Variants in DOCK1 observed in about 807,000 individuals in gnomAD.
DOCK1 encodes the protein dedicator of cytokinesis 1.
Under a neutral mutation model 262.7 loss-of-function variants are expected in DOCK1, and 138 were observed. That is an observed-to-expected ratio of 0.53 (90% CI 0.46 to 0.61). The LOEUF (loss-of-function observed/expected upper bound fraction) is 0.61. DOCK1 is among the 20% of genes least tolerant of loss of function. DOCK1 has a pLI of 0.00. For missense variants in DOCK1, 1,908 were observed against 2,370.7 expected (o/e 0.80, Z 4.05); for synonymous variants, 866 against 867.4 (o/e 1.00, Z 0.03).
chr10:127,381,680 A>G (rs2065832932), intron 37 of DOCK1, among the ~76,000 whole-genome samples: 1 of 152,224 alleles, frequency 6.6e-6, no homozygotes, highest in South Asian at 2.1e-4. Flanking sequence ...ACAGGACTCC[A>G]GGATGGTGGA....
chr10:126,966,153 G>A (rs2037660190), intron 1 of DOCK1, among the ~76,000 whole-genome samples: 1 of 152,014 alleles, frequency 6.6e-6, no homozygotes, highest in Non-Finnish European at 1.5e-5. Context: ...TTCACTTAAT[G>A]TCCTCCAATT....
chr10:127,445,467 G>T (rs1214486719), intron 50 of DOCK1, among the ~76,000 whole-genome samples: 2 of 152,180 alleles, frequency 1.3e-5, no homozygotes, highest in African/African-American at 4.8e-5. Flanking sequence ...TCTGGGCACT[G>T]GATATGTCTT....
chr10:127,333,733 C>G (rs185767547), intron 29 of DOCK1, among the ~76,000 whole-genome samples: 1 of 152,160 alleles, frequency 6.6e-6, no homozygotes, highest in Non-Finnish European at 1.5e-5. Flanking sequence ...AGAGCCTCGC[C>G]GGCCACACCA....
intron 16 of DOCK1, among the ~76,000 whole-genome samples, chr10:127,029,435 G>T (rs2043095602): frequency 6.6e-6 from 1 of 152,244 alleles, no homozygotes; most frequent in Non-Finnish European, 1.5e-5. Flanking sequence ...TGGTGTCGAT[G>T]GGTTAACATA....
intron 29 of DOCK1, among the ~76,000 whole-genome samples, chr10:127,306,312 G>T (rs901648504): frequency 3.3e-5 from 5 of 152,088 alleles, no homozygotes; most frequent in Non-Finnish European, 7.4e-5. Flanking sequence ...ACCGTGACCG[G>T]CCCATTTTAT....
At chr10:127,206,256 G>A (rs2057718162) in intron 27 of DOCK1, among the ~76,000 whole-genome samples, 1 of 144,880 alleles carries the variant, frequency 6.9e-6, no homozygotes, top group Admixed American at 7.3e-5. Context: ...CAATTCTGGT[G>A]CCTCAGCCTC....
chr10:127,036,003 A>AAAAT (rs3070212), intron 18 of DOCK1, among the ~76,000 whole-genome samples: 29,411 of 138,848 alleles, frequency 0.21, 3,396 homozygotes, highest in African/African-American at 0.27. Context: ...CCCTGTCTCA[A>AAAAT]AAATAAATAA....
At position 127,175,736 on chromosome 10, in the gene DOCK1, G is replaced by C. The variant is rs754152980; in HGVS notation, c.2847+47972G>C. The C allele has an allele frequency of 2.5e-6, 4 of 1,613,876 alleles. No homozygotes were observed. Among genetic ancestry groups the C allele is most frequent in the South Asian group, 1.1e-5 (1 of 91,076 alleles). On this transcript the variant is annotated intron_variant, in intron 27 of 51. Transcript: ENST00000623213. This position sits in a 1 kb window ranked among gnomAD's most constrained non-coding sequence, Gnocchi z 6.3. ...TGGCCCTCCCGAGCAGCTGGTAATC[G>C]GGCTCTTCGGATGGAGGCCGAGTGG...
chr10:127,282,400 G>A (rs890514906), intron 29 of DOCK1, among the ~76,000 whole-genome samples: 3 of 152,182 alleles, frequency 2.0e-5, no homozygotes, highest in African/African-American at 7.2e-5. Context: ...CATCTCCGAG[G>A]TCCTGTGATG....
intron 27 of DOCK1, among the ~76,000 whole-genome samples, chr10:127,132,263 C>T (rs569357363): frequency 4.6e-5 from 7 of 152,292 alleles, no homozygotes; most frequent in East Asian, 3.9e-4. Flanking sequence ...GATTGGAATG[C>T]GTCTCGTGCC....
intron 23 of DOCK1, among the ~76,000 whole-genome samples, chr10:127,083,490 G>A (rs1012778272): frequency 2.4e-4 from 37 of 152,308 alleles, no homozygotes; most frequent in African/African-American, 8.7e-4. Context: ...TAAAATATGA[G>A]TTAATCATCT....
chr10:126,994,341 T>C (rs371082843), intron 6 of DOCK1, among the ~76,000 whole-genome samples: 12 of 152,220 alleles, frequency 7.9e-5, no homozygotes, highest in African/African-American at 2.9e-4. Flanking sequence ...TTAGTATTTA[T>C]TGATCATTCT....
At chr10:127,031,909 G>T (rs1018126291) in intron 17 of DOCK1, among the ~76,000 whole-genome samples, 156 bp downstream of exon 17, 1 of 152,120 alleles carries the variant, frequency 6.6e-6, no homozygotes, top group Non-Finnish European at 1.5e-5. Flanking sequence ...CAGCCCTTTT[G>T]TTGTTCCTAA....
At chr10:127,250,934 A>G (rs933923456) in intron 28 of DOCK1, among the ~76,000 whole-genome samples, 2 of 151,986 alleles carry the variant, frequency 1.3e-5, no homozygotes, top group Non-Finnish European at 2.9e-5. Flanking sequence ...TGTTAACTAT[A>G]CCGAGTATAT....
chr10:127,338,852 G>A lies in DOCK1; in HGVS notation c.3045-154G>A, dbSNP rs41282890. 5.7e-3 allele frequency among the ~76,000 whole-genome samples: 870 copies of A among 152,088 alleles called. 14 individuals are homozygous for A. Among genetic ancestry groups the A allele is most frequent in the African/African-American group, 0.02 (829 of 41,460 alleles). On this transcript the variant is annotated intron_variant, in intron 29 of 51. Transcript: ENST00000623213. ...TTGGAGAACATCTGCATATAATTCCGTGATCTTTTCGTTGGCAAAACCTCA... is the reference window on the plus strand; with the variant it reads ...TTGGAGAACATCTGCATATAATTCCATGATCTTTTCGTTGGCAAAACCTCA...
intron 35 of DOCK1, among the ~76,000 whole-genome samples, chr10:127,375,823 C>G (rs1202919611): frequency 1.3e-5 from 2 of 152,206 alleles, no homozygotes; most frequent in Admixed American, 6.5e-5. Flanking sequence ...CAAATTGTCA[C>G]TCCTGTCCTC....
At chr10:127,104,851 A>T (rs772483479) in intron 23 of DOCK1, among the ~76,000 whole-genome samples, 18 of 152,182 alleles carry the variant, frequency 1.2e-4, no homozygotes, top group Middle Eastern at 6.3e-3. Flanking sequence ...GTTCAGTACT[A>T]GCTTTGTGAA....
chr10:127,311,793 G>T (rs894681019), intron 29 of DOCK1, among the ~76,000 whole-genome samples: 3 of 152,256 alleles, frequency 2.0e-5, no homozygotes, highest in Non-Finnish European at 4.4e-5. Flanking sequence ...GACAAAGAAG[G>T]TTGCTCTGGG....
In DOCK1 at chr10:127,012,819, A is replaced by C. The variant is rs1243814353; in HGVS notation, c.1201+445A>C. ...TCACACTCACTGTTTTTAATCCTGC[A>C]CTGACACGTTTCTGAGCAGCTGACC... is the stretch of plus-strand genomic sequence containing the variant. On this transcript the variant is annotated intron_variant, in intron 12 of 51. Coordinates refer to ENST00000623213, the MANE Select transcript of DOCK1 (RefSeq NM_001290223.2). The surrounding 1 kb of genome is among the most constrained non-coding windows in gnomAD (Gnocchi z 4.0). Among the ~76,000 whole-genome samples, 2 of 152,152 alleles carry C rather than the reference A, an allele frequency of 1.3e-5. No individual in the cohort carries two copies. The highest frequency in any genetic ancestry group is 2.9e-5 in the Non-Finnish European group (2 of 68,028).
Sources: allele counts gnomAD v4.1 joint callset (sites outside exome capture counted in the v4.1 genomes callset), GRCh38; gene constraint gnomAD v4.1.1; non-coding constraint Gnocchi (gnomAD v3.1); transcripts MANE v1.5; gene names NCBI Gene and HGNC (gene_info 2026-07-23, HGNC 2026-07-21).